SHROOM2: variants seen among roughly 807,000 people sequenced by gnomAD.
The protein encoded by SHROOM2 is shroom family member 2.
SHROOM2 carries 33 observed loss-of-function variants against 75.9 expected under a neutral mutation model. That is an observed-to-expected ratio of 0.43 (90% CI 0.33 to 0.58). The LOEUF is 0.58. Ranked by LOEUF, SHROOM2 falls within the 20% of genes least tolerant of loss-of-function variation. The pLI is 0.04. For synonymous variants in SHROOM2, 655 were observed against 663.6 expected (o/e 0.99, Z 0.20); for missense variants, 1,434 against 1,461.2 (o/e 0.98, Z 0.30).
Position 9,934,288 on chromosome X carries a change from C to A in SHROOM2, c.3587+1418C>A, listed in dbSNP as rs5979213. On this transcript the variant is annotated intron_variant, in intron 6 of 9. Coordinates refer to ENST00000380913, the MANE Select transcript of SHROOM2 (RefSeq NM_001649.4). ...CATCGCCGCAGAAAATTCTGTGGGA[C>A]CTCACTGCTCTAGAGTCTCAAGTAA... Among the ~76,000 whole-genome samples the A allele has an allele frequency of 1.8e-3, 205 of 111,583 alleles. 1 individual carries two copies. The highest frequency in any genetic ancestry group is 6.5e-3 in the African/African-American group (201 of 30,700).
At chrX:9,942,220 A>G (rs942380957) in intron 8 of SHROOM2, among the ~76,000 whole-genome samples, 1 of 111,815 alleles carries the variant, frequency 8.9e-6, no homozygotes, top group African/African-American at 3.3e-5. Context: ...TGAGTAGGAA[A>G]AGGCACAAAC....
At chrX:9,843,529 G>C (rs1034422303) in intron 1 of SHROOM2, among the ~76,000 whole-genome samples, 1 of 110,817 alleles carries the variant, frequency 9.0e-6, no homozygotes, top group Non-Finnish European at 1.9e-5. Context: ...CTCCTGAGCA[G>C]CTGGGATTAC....
At chrX:9,868,447 T>A (rs1443142658) in intron 1 of SHROOM2, among the ~76,000 whole-genome samples, 1 of 109,429 alleles carries the variant, frequency 9.1e-6, no homozygotes, top group Non-Finnish European at 1.9e-5. Flanking sequence ...GGTTTCACCA[T>A]CTTGGGCAGG....
intron 2 of SHROOM2, among the ~76,000 whole-genome samples, chrX:9,878,675 G>A (rs891807571): frequency 1.1e-4 from 12 of 111,531 alleles, no homozygotes; most frequent in Non-Finnish European, 1.9e-4. Context: ...GCTGCTACTC[G>A]CAACGGTGGC....
At chrX:9,925,146 G>T (rs760022823) in intron 5 of SHROOM2, among the ~76,000 whole-genome samples, 15 of 112,084 alleles carry the variant, frequency 1.3e-4, no homozygotes, top group Non-Finnish European at 2.8e-4. Context: ...GGAGTGCTGT[G>T]TTGGCAAAAG....
At chrX:9,850,273 AGCTGTCATTTTCTTTTATTGATTGGTTG>A (rs1284844806) in intron 1 of SHROOM2, among the ~76,000 whole-genome samples, 9 of 112,163 alleles carry the variant, frequency 8.0e-5, no homozygotes, top group African/African-American at 2.3e-4. Context: ...TTCTGCTACA[AGCTGTCATTTTCTTTTATTGATTGGTTG>A]GCTGTCATTT....
intron 1 of SHROOM2, among the ~76,000 whole-genome samples, chrX:9,833,441 C>A (rs1200765586): frequency 9.0e-6 from 1 of 111,491 alleles, no homozygotes; most frequent in African/African-American, 3.3e-5. Context: ...GTTTGCTCTG[C>A]AGGCTACTTT....
rs775600593 is a variant in SHROOM2 at position 9,939,252 on chromosome X, C to G, written c.4197C>G (p.Tyr1399Ter). Residue 1399 changes from tyrosine (Y) to a stop codon, truncating the protein, a stop_gained, in exon 8 of 10, where the codon TAC becomes TAG. Transcript: ENST00000380913. LOFTEE classifies it high-confidence loss of function. ...CCCTGGCCACCAATTCTACCTACTACAGCACGTCGGCCCCCAAGGCGGAGC... is the reference window on the plus strand; with the variant it reads ...CCCTGGCCACCAATTCTACCTACTAGAGCACGTCGGCCCCCAAGGCGGAGC... The part of the protein sequence containing the change: ...AVSLATNSTY[Y>*]STSAPKAELL... 8.3e-7 allele frequency: 1 copy of G among 1,209,807 alleles called. No homozygotes were observed. The highest frequency in any genetic ancestry group is 1.1e-6 in the Non-Finnish European group (1 of 894,409).
At chrX:9,806,034 C>T (rs1175445734) in intron 1 of SHROOM2, among the ~76,000 whole-genome samples, 4 of 110,820 alleles carry the variant, frequency 3.6e-5, no homozygotes, top group South Asian at 3.8e-4. Context: ...AGTGAGAAGG[C>T]GCCTCCTACA....
chrX:9,871,145 C>T (rs760673655), intron 1 of SHROOM2, among the ~76,000 whole-genome samples: 1 of 110,454 alleles, frequency 9.1e-6, no homozygotes, highest in African/African-American at 3.3e-5. Flanking sequence ...CCTCCTTATA[C>T]ACACCTCATT....
chrX:9,894,611 A>G lies in SHROOM2; in HGVS notation c.703A>G (p.Ile235Val). 1 of 1,211,903 alleles carries G rather than the reference A, an allele frequency of 8.3e-7. No individual in the cohort carries two copies. Among genetic ancestry groups the G allele is most frequent in the South Asian group, 1.8e-5 (1 of 56,964 alleles). ...AGCCGACACGTCCTCCGCAGAGAACATCCTCTACACTGTGGGCCTCTGGGA... is the reference window on the plus strand; with the variant it reads ...AGCCGACACGTCCTCCGCAGAGAACGTCCTCTACACTGTGGGCCTCTGGGA... ...SKADTSSAEN[I>V]LYTVGLWEAP... is the part of the protein sequence containing the mutation. The change falls in exon 4 of 10, where the codon ATC (isoleucine) becomes GTC (valine). Residue 235 changes from isoleucine to valine, a missense_variant. Physicochemically the swap from Ile to Val is conservative, Grantham distance 29. Transcript: ENST00000380913.
chrX:9,920,106 ACTACAACTCATCAGACATCTCAACTCG>A (rs1418713383), intron 5 of SHROOM2, among the ~76,000 whole-genome samples: 1 of 110,454 alleles, frequency 9.1e-6, no homozygotes, highest in East Asian at 2.9e-4. Flanking sequence ...ATCTCAAATC[ACTACAACTCATCAGACATCTCAACTCG>A]CTACAACTCA....
At chrX:9,828,724 A>G (rs1018452411) in intron 1 of SHROOM2, among the ~76,000 whole-genome samples, 6 of 110,780 alleles carry the variant, frequency 5.4e-5, no homozygotes, top group African/African-American at 1.6e-4. Context: ...CTTGCCTCCC[A>G]AAGTGCTGGG....
intron 1 of SHROOM2, among the ~76,000 whole-genome samples, chrX:9,864,529 A>C (rs1025044584): frequency 1.8e-5 from 2 of 111,536 alleles, no homozygotes; most frequent in Non-Finnish European, 3.8e-5. Context: ...AAAAAATAAA[A>C]ATAAATAGGC....
rs2084333813 is a variant in SHROOM2, at chrX:9,896,609, A to G, written c.2701A>G (p.Ile901Val). The change falls in exon 4 of 10, where the codon ATC becomes GTC. Residue 901 changes from isoleucine to valine, a missense_variant. Ile to Val is a conservative substitution (Grantham distance 29). Transcript: ENST00000380913. ...TGGGCGCTGCCACTCAGCGGATGAC[A>G]TCCTGGATGTGAGCCTGGACCCACA... ...SSGRCHSADD[I>V]LDVSLDPQER... is the part of the protein sequence containing the mutation. 1.1e-5 allele frequency: 13 copies of G among 1,208,649 alleles called. No homozygotes were observed. Among genetic ancestry groups the G allele is most frequent in the Non-Finnish European group, 1.5e-5 (13 of 894,411 alleles).
In SHROOM2 at chrX:9,823,640, A is replaced by G. The variant is rs775057114; in HGVS notation, c.165+36930A>G. ...CAGGTAGTAGTTACTTCTCCCAGGA[A>G]GAGGCAGGATCTATACGAAGTCATT... On this transcript the variant is annotated intron_variant, in intron 1 of 9. Transcript: ENST00000380913. 4.5e-5 allele frequency among the ~76,000 whole-genome samples: 5 copies of G among 111,911 alleles called. No individual in the cohort carries two copies. The South Asian group carries it at 1.5e-3, about 33-fold the overall frequency.
chrX:9,873,698 G>C lies in SHROOM2; in HGVS notation c.212G>C (p.Gly71Ala). 8.3e-7 allele frequency: 1 copy of C among 1,211,554 alleles called. No individual in the cohort carries two copies. Among genetic ancestry groups the C allele is most frequent in the Non-Finnish European group, 1.1e-6 (1 of 895,205 alleles). The change falls in exon 2 of 10, where the codon GGA becomes GCA. Residue 71 changes from glycine (G) to alanine (A), a missense_variant. Transcript: ENST00000380913. Reference protein sequence around the residue: ...KAAAVDKLLAGDEIVGINDIG... With the variant: ...KAAAVDKLLAADEIVGINDIG... ...GCGGCGGTCGACAAGTTACTGGCTG[G>C]AGATGAGATCGTCGGCATCAATGAC...
At chrX:9,811,307 C>T (rs192435118) in intron 1 of SHROOM2, among the ~76,000 whole-genome samples, 29 of 111,875 alleles carry the variant, frequency 2.6e-4, no homozygotes, top group African/African-American at 9.4e-4. Context: ...GTGTAACCTC[C>T]GTCCCTGCCA....
At position 9,939,179 on chromosome X, in the gene SHROOM2, C is replaced by T. The variant is rs1335409638; in HGVS notation, c.4140-16C>T. The T allele has an allele frequency of 8.4e-7, 1 of 1,187,563 alleles. No individual in the cohort carries two copies. The highest frequency in any genetic ancestry group is 1.8e-5 in the African/African-American group (1 of 56,501). ...GCACAGTCCCAGCTCATTGAAGTTC[C>T]CACACCTTTACCCAGGAAAGAGGAG... On this transcript the variant is annotated splice_polypyrimidine_tract_variant and intron_variant, in intron 7 of 9. Coordinates refer to ENST00000380913, the MANE Select transcript of SHROOM2 (RefSeq NM_001649.4).
Sources: gnomAD v4.1 joint callset for allele counts (sites outside exome capture counted in the v4.1 genomes callset) on GRCh38, gnomAD v4.1.1 for gene constraint, MANE v1.5 for transcripts, NCBI Gene and HGNC (gene_info 2026-07-23, HGNC 2026-07-21) for gene names.